Variants in PDE4B observed in about 807,000 individuals in gnomAD.
PDE4B encodes 3',5'-cyclic-AMP phosphodiesterase 4B.
In PDE4B, 20 loss-of-function variants were observed where a neutral mutation model predicts 82.2. The observed-to-expected ratio is 0.24, with a 90% CI of 0.17 to 0.35. The LOEUF is 0.35. Ranked by LOEUF, PDE4B falls within the 10% of genes least tolerant of loss-of-function variation. The probability of loss-of-function intolerance (pLI) is 1.00; values close to 1 mark genes in which losing one functional copy is unlikely to be tolerated. For synonymous variants in PDE4B, 320 were observed against 318.9 expected, an observed-to-expected ratio of 1.00 and a Z score of -0.04; for missense variants, 655 against 907.2, an observed-to-expected ratio of 0.72 and a Z score of 3.57.
chr1:66,346,866 C>A (rs1297554525), intron 8 of PDE4B, among the ~76,000 whole-genome samples: 2 of 152,144 alleles, frequency 1.3e-5, no homozygotes, highest in Non-Finnish European at 2.9e-5. Flanking sequence ...GTCTCAGACA[C>A]CTTGGCAGCC....
intron 4 of PDE4B, among the ~76,000 whole-genome samples, chr1:66,248,623 A>G (rs1243532317): frequency 2.0e-5 from 3 of 152,198 alleles, no homozygotes; most frequent in Admixed American, 6.5e-5. Flanking sequence ...ATTTGGCAAA[A>G]TTTACTGATT....
chr1:65,872,951 T>C (rs1646591501), intron 1 of PDE4B, among the ~76,000 whole-genome samples: 1 of 152,158 alleles, frequency 6.6e-6, no homozygotes, highest in East Asian at 1.9e-4. Context: ...AGAGCTAGCA[T>C]TGGATCCACA....
chr1:66,357,789 G>C (rs970950869), intron 9 of PDE4B, among the ~76,000 whole-genome samples: 1 of 152,066 alleles, frequency 6.6e-6, no homozygotes, highest in African/African-American at 2.4e-5. Context: ...TGCATCAGTT[G>C]CCTCACTTGT....
chr1:66,068,306 A>G (rs1407044618), intron 3 of PDE4B, among the ~76,000 whole-genome samples: 1 of 151,966 alleles, frequency 6.6e-6, no homozygotes, highest in Non-Finnish European at 1.5e-5. Flanking sequence ...CATTTTGCAA[A>G]GCAGGCGTTG....
At chr1:66,212,843 G>A (rs1338967907) in intron 3 of PDE4B, among the ~76,000 whole-genome samples, 2 of 152,178 alleles carry the variant, frequency 1.3e-5, no homozygotes, top group African/African-American at 4.8e-5. Context: ...TGGAATAGCT[G>A]CTTGTGCTGC....
At chr1:66,119,521 T>A (rs1324345080) in intron 3 of PDE4B, among the ~76,000 whole-genome samples, 2 of 152,218 alleles carry the variant, frequency 1.3e-5, no homozygotes, top group African/African-American at 4.8e-5. Context: ...GCATTCTCTA[T>A]AAACCAAAAT....
At chr1:66,046,658 A>C (rs1487622427) in intron 3 of PDE4B, among the ~76,000 whole-genome samples, 1 of 151,870 alleles carries the variant, frequency 6.6e-6, no homozygotes. Context: ...ATTTTAAACC[A>C]AGAAGACTCT....
chr1:66,116,644 G>A (rs1296974787), intron 3 of PDE4B, among the ~76,000 whole-genome samples: 1 of 152,150 alleles, frequency 6.6e-6, no homozygotes, highest in African/African-American at 2.4e-5. Flanking sequence ...GCTCACTGCA[G>A]CCTCAACCTT....
At chr1:65,931,574 A>C (rs1352688071) in intron 3 of PDE4B, among the ~76,000 whole-genome samples, 1 of 152,222 alleles carries the variant, frequency 6.6e-6, no homozygotes, top group East Asian at 1.9e-4. Context: ...AAATTATAAT[A>C]ATAAAATGTC....
intron 7 of PDE4B, among the ~76,000 whole-genome samples, chr1:66,329,322 T>G (rs1659948344): frequency 6.6e-6 from 1 of 152,158 alleles, no homozygotes; most frequent in South Asian, 2.1e-4. Context: ...ATCTTTGCAA[T>G]TTTTCCGTCA....
At chr1:66,123,175 A>G (rs1242430600) in intron 3 of PDE4B, among the ~76,000 whole-genome samples, 1 of 152,082 alleles carries the variant, frequency 6.6e-6, no homozygotes, top group Non-Finnish European at 1.5e-5. Context: ...TGAAATTTTG[A>G]TTCCTTTTTT....
At chr1:66,276,967 G>A (rs1655920632) in intron 7 of PDE4B, among the ~76,000 whole-genome samples, 1 of 152,088 alleles carries the variant, frequency 6.6e-6, no homozygotes, top group African/African-American at 2.4e-5. Flanking sequence ...AGTATTTAGT[G>A]TTTAACTATT....
At chr1:65,858,284 C>T (rs1646415474) in intron 1 of PDE4B, among the ~76,000 whole-genome samples, 1 of 152,168 alleles carries the variant, frequency 6.6e-6, no homozygotes, top group South Asian at 2.1e-4. Context: ...CCTGCCACCT[C>T]CTTATTATAA....
At chr1:66,370,087 G>A (rs907221471) in intron 16 of PDE4B, among the ~76,000 whole-genome samples, 9 of 143,696 alleles carry the variant, frequency 6.3e-5, no homozygotes, top group Non-Finnish European at 1.3e-4. Flanking sequence ...GGAGGCGGAC[G>A]TTGCAGTGAG....
At chr1:66,132,296 T>C (rs1054418712) in intron 3 of PDE4B, among the ~76,000 whole-genome samples, 1 of 152,266 alleles carries the variant, frequency 6.6e-6, no homozygotes, top group African/African-American at 2.4e-5. Context: ...CTTTGTAGTC[T>C]GATAGATCTA....
rs5774774 is a variant in PDE4B at position 65,882,680 on chromosome 1, A to ATGTGTGTG, written c.-70-30545_-70-30538dup. On this transcript the variant is annotated intron_variant, in intron 1 of 16. Coordinates refer to ENST00000341517, the MANE Select transcript of PDE4B (RefSeq NM_002600.4). Reference sequence around the variant, plus strand: ...TGTTTATGGCAACTATTTGAAAAATATGTGTGTGTGTGTGTGTGTGTGTGT... The same window carrying ATGTGTGTG: ...TGTTTATGGCAACTATTTGAAAAATATGTGTGTGTGTGTGTGTGTGTGTGTGTGTGTGT... Among the ~76,000 whole-genome samples the ATGTGTGTG allele has an allele frequency of 7.5e-3, 1,131 of 149,948 alleles. 16 individuals are homozygous for ATGTGTGTG. The highest frequency in any genetic ancestry group is 0.023 in the African/African-American group (924 of 40,964).
chr1:65,801,417 C>T (rs747709619), intron 1 of PDE4B, among the ~76,000 whole-genome samples: 2 of 152,072 alleles, frequency 1.3e-5, no homozygotes, highest in African/African-American at 4.8e-5. Flanking sequence ...TTTTTAAGAC[C>T]TCACATTTTA....
intron 3 of PDE4B, among the ~76,000 whole-genome samples, chr1:66,050,309 G>T (rs1654949497): frequency 6.6e-6 from 1 of 152,000 alleles, no homozygotes; most frequent in Non-Finnish European, 1.5e-5. Flanking sequence ...GAGGCTCTGT[G>T]CAGTATTGTT....
chr1:65,792,571 G>A (rs1645583556), upstream of PDE4B: 1 of 151,970 alleles, frequency 6.6e-6, no homozygotes, highest in Admixed American at 6.6e-5. Context: ...TGGGAGAGAG[G>A]GTTATTTTGC....
Sources: allele counts gnomAD v4.1 joint callset (sites outside exome capture counted in the v4.1 genomes callset), GRCh38; gene constraint gnomAD v4.1.1; transcripts MANE v1.5; gene names NCBI Gene and HGNC (gene_info 2026-07-23, HGNC 2026-07-21).